NLRP11: variants seen among roughly 807,000 people sequenced by gnomAD.
NLRP11 encodes the protein NLR family pyrin domain containing 11, also known as NACHT, LRR and PYD domains-containing protein 11.
A neutral mutation model predicts 79.3 loss-of-function variants in NLRP11; 53 were observed. The observed-to-expected ratio is 0.67, with a 90% CI of 0.54 to 0.84. The LOEUF is 0.84. NLRP11 is among the 40% of genes least tolerant of loss of function. NLRP11 has a pLI of 0.00. For missense variants in NLRP11, 1,264 were observed against 1,255.0 expected (o/e 1.01, Z -0.11); for synonymous variants, 518 against 462.6 (o/e 1.12, Z -1.54).
chr19:55,828,720 G>A (rs1024665860), intron 1 of NLRP11, among the ~76,000 whole-genome samples: 4 of 152,124 alleles, frequency 2.6e-5, no homozygotes, highest in African/African-American at 9.7e-5. Flanking sequence ...AGATTGGGTT[G>A]TATTTTTTAA....
upstream of NLRP11, chr19:55,832,000 A>C (rs1982841454): frequency 6.6e-6 from 1 of 152,298 alleles, no homozygotes; most frequent in South Asian, 2.1e-4. Flanking sequence ...GGTCGAAAGC[A>C]AACAAGCTAG....
intron 1 of NLRP11, among the ~76,000 whole-genome samples, chr19:55,829,950 T>C (rs1982589591): frequency 6.6e-6 from 1 of 152,214 alleles, no homozygotes; most frequent in Non-Finnish European, 1.5e-5. Context: ...CTATATTGAT[T>C]GCATTCATGA....
intron 9 of NLRP11, 66 bp downstream of exon 9, chr19:55,788,741 C>CAAAAAAAAAA (rs58239530): frequency 4.5e-5 from 17 of 380,464 alleles, no homozygotes; most frequent in African/African-American, 2.4e-4. Context: ...CTCTGTCTCT[C>CAAAAAAAAAA]AAAAAAAAAA....
upstream of NLRP11, among the ~76,000 whole-genome samples, chr19:55,833,366 G>GT (rs138914335): frequency 0.12 from 18,206 of 152,112 alleles, 1,287 homozygotes; most frequent in African/African-American, 0.19. Flanking sequence ...GAAGGGACTA[G>GT]TACAAGCCAA....
chr19:55,809,497 G>C lies in NLRP11; in HGVS notation c.1113C>G (p.Ala371=), dbSNP rs942941673. Residue 371 remains alanine (A), a synonymous_variant, in exon 3 of 10, where the codon GCC becomes GCG. Transcript: ENST00000589093. This position sits in a 1 kb window ranked among gnomAD's most constrained non-coding sequence, Gnocchi z 4.5. The stretch of plus-strand genomic sequence containing the variant: ...ATGTCAACGCATCAGCAAGAAAGTG[G>C]GCATGTAGATCAGTGGGTGTTTGGC... The C allele has an allele frequency of 3.1e-6, 5 of 1,614,130 alleles. No individual in the cohort carries two copies. The highest frequency in any genetic ancestry group is 3.4e-6 in the Non-Finnish European group (4 of 1,180,030).
In NLRP11 at chr19:55,818,598, T is replaced by C. The variant is rs767176777; in HGVS notation, c.-62-362A>G. ...ATTGGAAATCTAGACTTGTGGTCTC[T>C]TACAAGATATGCTGTTGTATATGAA... On this transcript the variant is annotated intron_variant, in intron 1 of 9. Transcript: ENST00000589093. Among the ~76,000 whole-genome samples, 5 of 152,212 alleles carry C rather than the reference T, an allele frequency of 3.3e-5. No individual in the cohort carries two copies. The South Asian group carries it at 1.0e-3, about 32-fold the overall frequency.
chr19:55,817,863 G>A (rs1369739602), intron 2 of NLRP11, 41 bp downstream of exon 2: 5 of 1,443,490 alleles, frequency 3.5e-6, no homozygotes, highest in East Asian at 4.7e-5. Context: ...TTCCTGTGAA[G>A]TGCCCTGATT....
In NLRP11 at chr19:55,809,553, T is replaced by A. The variant is rs532325510; in HGVS notation, c.1057A>T (p.Met353Leu). The change falls in exon 3 of 10, where the codon ATG becomes TTG. Residue 353 changes from methionine (M) to leucine (L), a missense_variant. Coordinates refer to ENST00000589093, the Ensembl canonical transcript of NLRP11. This position sits in a 1 kb window ranked among gnomAD's most constrained non-coding sequence, Gnocchi z 4.5. ...AGCTGGAAGTCACGCCCCTTGTCCA[T>A]CTGCCGCTTCAGGACAGTACACGTG... The A allele has an allele frequency of 4.3e-6, 7 of 1,614,180 alleles. No individual in the cohort carries two copies. The Admixed American group carries it at 1.0e-4, about 23-fold the overall frequency.
Position 55,809,538 on chromosome 19 carries a change from C to A in NLRP11, c.1072G>T (p.Asp358Tyr). The change falls in exon 3 of 10, where the codon GAC becomes TAC. Residue 358 changes from aspartate to tyrosine, a missense_variant. By Grantham distance (160) the Asp-to-Tyr change is radical. Transcript: ENST00000589093. The surrounding 1 kb of genome is among the most constrained non-coding windows in gnomAD (Gnocchi z 4.5). The stretch of plus-strand genomic sequence containing the variant: ...GGTGTTTGGCAGCAGAGCTGGAAGT[C>A]ACGCCCCTTGTCCATCTGCCGCTTC... 1 of 1,614,186 alleles carries A rather than the reference C, an allele frequency of 6.2e-7. No homozygotes were observed. Among genetic ancestry groups the A allele is most frequent in the Non-Finnish European group, 8.5e-7 (1 of 1,180,032 alleles).
chr19:55,814,834 A>G (rs887236635), intron 2 of NLRP11, among the ~76,000 whole-genome samples: 88 of 152,308 alleles, frequency 5.8e-4, no homozygotes, highest in African/African-American at 2.0e-3. Flanking sequence ...CAACCCACGG[A>G]GAACAGAAGA....
intron 4 of NLRP11, among the ~76,000 whole-genome samples, chr19:55,803,517 C>T (rs897309260): frequency 2.6e-5 from 4 of 152,158 alleles, no homozygotes; most frequent in Non-Finnish European, 5.9e-5. Context: ...TCAGAGCAAA[C>T]AGTCAACCTG....
At chr19:55,810,370 G>A (rs760965072) in intron 2 of NLRP11, 32 bp from the exon 3 acceptor site, 26 of 1,543,712 alleles carry the variant, frequency 1.7e-5, no homozygotes, top group Non-Finnish European at 2.2e-5. Flanking sequence ...AGAAAATACA[G>A]AACAAAGATG....
At chr19:55,821,189 GCTCTCT>G (rs146995362) in intron 1 of NLRP11, among the ~76,000 whole-genome samples, 1 of 140,678 alleles carries the variant, frequency 7.1e-6, no homozygotes, top group Admixed American at 7.1e-5. Context: ...TATGTGACCA[GCTCTCT>G]CTCTCTCTCT....
chr19:55,830,905 C>G (rs1386139658), intron 1 of NLRP11, among the ~76,000 whole-genome samples: 1 of 152,158 alleles, frequency 6.6e-6, no homozygotes, highest in African/African-American at 2.4e-5. Context: ...CAGACTTTCT[C>G]AAGCACTGAG....
At chr19:55,808,663 C>CA in intron 3 of NLRP11, 106 bp downstream of exon 3, 1 of 1,014,108 alleles carries the variant, frequency 9.9e-7, no homozygotes, top group Admixed American at 2.4e-5. Flanking sequence ...GATTGGAAGT[C>CA]AAGTTCTTCA....
In NLRP11 at chr19:55,809,702, C is replaced by T. The variant is rs758289556; in HGVS notation, c.908G>A (p.Gly303Glu). The T allele has an allele frequency of 6.2e-7, 1 of 1,614,160 alleles. No individual in the cohort carries two copies. The highest frequency in any genetic ancestry group is 1.7e-5 in the Admixed American group (1 of 60,018). ...AGAGTTAAAATATATCTCCCTCTTC[C>T]CATTCGACAGCTGCAAGGTCGTGCA... The change falls in exon 3 of 10, where the codon GGG (glycine) becomes GAG (glutamate). Residue 303 changes from glycine (G) to glutamate (E), a missense_variant. Coordinates refer to ENST00000589093, the Ensembl canonical transcript of NLRP11. This position sits in a 1 kb window ranked among gnomAD's most constrained non-coding sequence, Gnocchi z 4.5.
intron 9 of NLRP11, among the ~76,000 whole-genome samples, chr19:55,788,577 A>G (rs900188023): frequency 1.3e-5 from 2 of 151,550 alleles, no homozygotes; most frequent in African/African-American, 4.9e-5. Flanking sequence ...CGTCTCTACT[A>G]AAAATAGAAA....
intron 7 of NLRP11, among the ~76,000 whole-genome samples, chr19:55,791,205 A>T (rs1990214369): frequency 6.6e-6 from 1 of 152,190 alleles, no homozygotes; most frequent in Non-Finnish European, 1.5e-5. Context: ...CCTGTTATAG[A>T]AAAAGGTTTC....
intron 2 of NLRP11, among the ~76,000 whole-genome samples, chr19:55,812,026 G>C (rs1367339888): frequency 6.7e-6 from 1 of 149,906 alleles, no homozygotes; most frequent in Non-Finnish European, 1.5e-5. Flanking sequence ...TGAGATAATA[G>C]ATTTGTTAGC....
Sources: gnomAD v4.1 joint callset for allele counts (sites outside exome capture counted in the v4.1 genomes callset) on GRCh38, gnomAD v4.1.1 for gene constraint, Gnocchi (gnomAD v3.1) non-coding constraint, MANE v1.5 for transcripts, NCBI Gene and HGNC (gene_info 2026-07-23, HGNC 2026-07-21) for gene names.